The following SORCS1 variants were observed in gnomAD, a reference collection of about 807,000 sequenced individuals.
The protein encoded by SORCS1 is sortilin related VPS10 domain containing receptor 1, also known as VPS10 domain-containing receptor SorCS1.
A neutral mutation model predicts 146.1 loss-of-function variants in SORCS1; 60 were observed. The ratio of observed to expected loss-of-function variants is 0.41; its 90% CI spans 0.33 to 0.51. SORCS1 has a LOEUF of 0.51. Among genes scored for constraint, SORCS1 ranks in the 20% least tolerant of loss-of-function variants. The probability of loss-of-function intolerance (pLI) is 0.21; values close to 1 mark genes in which losing one functional copy is unlikely to be tolerated. For synonymous variants in SORCS1, 637 were observed against 584.0 expected (o/e 1.09, Z -1.31); for missense variants, 1,352 against 1,487.6 (o/e 0.91, Z 1.50).
intron 1 of SORCS1, among the ~76,000 whole-genome samples, chr10:106,970,824 C>T (rs1247423264): frequency 1.3e-5 from 2 of 151,890 alleles, no homozygotes; most frequent in Non-Finnish European, 2.9e-5. Flanking sequence ...CTGCAGCCTC[C>T]AACTCCCAGG....
chr10:107,055,352 A>T (rs1960508975), intron 1 of SORCS1, among the ~76,000 whole-genome samples: 1 of 152,078 alleles, frequency 6.6e-6, no homozygotes, highest in African/African-American at 2.4e-5. Context: ...ATTGATGTAA[A>T]GGAATAGATA....
At chr10:106,810,972 A>C (rs1306992996) in intron 3 of SORCS1, among the ~76,000 whole-genome samples, 1 of 148,820 alleles carries the variant, frequency 6.7e-6, no homozygotes, top group Non-Finnish European at 1.5e-5. Context: ...ATGGAGTCTC[A>C]CTCTGTCGCC....
intron 5 of SORCS1, among the ~76,000 whole-genome samples, chr10:106,749,114 T>G (rs1857958850): frequency 6.6e-6 from 1 of 152,214 alleles, no homozygotes. Flanking sequence ...AGACTGTGAT[T>G]TACTTCTGCC....
chr10:106,945,494 A>G (rs1954291564), intron 2 of SORCS1, among the ~76,000 whole-genome samples: 1 of 152,226 alleles, frequency 6.6e-6, no homozygotes, highest in Non-Finnish European at 1.5e-5. Flanking sequence ...GAGGATGTGG[A>G]AGGTAACTGG....
At chr10:106,720,046 C>T (rs1855673027) in intron 6 of SORCS1, among the ~76,000 whole-genome samples, 1 of 152,184 alleles carries the variant, frequency 6.6e-6, no homozygotes, top group Non-Finnish European at 1.5e-5. Context: ...AGATTTCTTC[C>T]TTGATGGCCC....
At chr10:107,026,603 G>A (rs897799031) in intron 1 of SORCS1, among the ~76,000 whole-genome samples, 1 of 150,720 alleles carries the variant, frequency 6.6e-6, no homozygotes, top group Non-Finnish European at 1.5e-5. Context: ...GGGCCACAGA[G>A]TGAGATGCCA....
At chr10:106,679,018 C>A (rs1852239687) in intron 12 of SORCS1, among the ~76,000 whole-genome samples, 1 of 152,076 alleles carries the variant, frequency 6.6e-6, no homozygotes, top group African/African-American at 2.4e-5. Context: ...CTTATAAACA[C>A]CCTTACATAC....
chr10:106,671,427 CAT>C (rs749411069), intron 15 of SORCS1, 60 bp from the exon 16 acceptor site: 62 of 1,602,364 alleles, frequency 3.9e-5, no homozygotes, highest in African/African-American at 1.2e-4. Flanking sequence ...CTCTGCTCCA[CAT>C]GAGTGACATT....
intron 3 of SORCS1, among the ~76,000 whole-genome samples, chr10:106,792,972 ATTCAT>A (rs1285682728): frequency 4.6e-5 from 7 of 152,218 alleles, no homozygotes; most frequent in Non-Finnish European, 7.3e-5. Context: ...TCATTCAACC[ATTCAT>A]TTCATTTTTT....
chr10:107,118,510 C>G (rs1966189686), intron 1 of SORCS1, among the ~76,000 whole-genome samples: 1 of 152,166 alleles, frequency 6.6e-6, no homozygotes. Flanking sequence ...TTTTCCTCCA[C>G]TGATTTATCT....
At chr10:106,836,641 A>C (rs1162083745) in intron 2 of SORCS1, among the ~76,000 whole-genome samples, 1 of 152,088 alleles carries the variant, frequency 6.6e-6, no homozygotes, top group Non-Finnish European at 1.5e-5. Context: ...AGAAACATTA[A>C]CTAAAACTCT....
intron 1 of SORCS1, among the ~76,000 whole-genome samples, chr10:107,043,920 T>C (rs1332112654): frequency 6.6e-6 from 1 of 152,140 alleles, no homozygotes; most frequent in Non-Finnish European, 1.5e-5. Flanking sequence ...CACGTCTAGG[T>C]TTTTGGTAAT....
At chr10:106,824,340 C>T (rs1235472173) in intron 3 of SORCS1, among the ~76,000 whole-genome samples, 1 of 150,462 alleles carries the variant, frequency 6.6e-6, no homozygotes, top group African/African-American at 2.4e-5. Context: ...ACCTGTAATC[C>T]CAGCACTTTG....
intron 1 of SORCS1, among the ~76,000 whole-genome samples, chr10:107,054,297 G>A (rs1960395011): frequency 6.6e-6 from 1 of 152,186 alleles, no homozygotes; most frequent in Admixed American, 6.6e-5. Flanking sequence ...TGGTGAGGCA[G>A]ACTCTGGAAC....
At chr10:106,579,059 C>T (rs375235010) in intron 25 of SORCS1, 44 of 1,610,326 alleles carry the variant, frequency 2.7e-5, no homozygotes, top group Non-Finnish European at 3.2e-5. Flanking sequence ...CCTACTCAGC[C>T]GAACAGCTGG....
intron 2 of SORCS1, among the ~76,000 whole-genome samples, chr10:106,831,722 T>G (rs1344754676): frequency 6.6e-6 from 1 of 150,450 alleles, no homozygotes; most frequent in Non-Finnish European, 1.5e-5. Context: ...ATTCAAGATA[T>G]TTCTTCCTAA....
At chr10:106,998,859 C>A (rs1234669107) in intron 1 of SORCS1, among the ~76,000 whole-genome samples, 1 of 152,196 alleles carries the variant, frequency 6.6e-6, no homozygotes, top group Admixed American at 6.5e-5. Context: ...GTAAAGCTAA[C>A]AGTCTCTAGA....
chr10:107,146,125 G>GTA (rs1467074268), intron 1 of SORCS1, among the ~76,000 whole-genome samples: 1 of 152,118 alleles, frequency 6.6e-6, no homozygotes, highest in Non-Finnish European at 1.5e-5. Context: ...CCAGTTTCAG[G>GTA]TATAAGTATA....
At chr10:107,083,983 C>T (rs959455358) in intron 1 of SORCS1, among the ~76,000 whole-genome samples, 1 of 152,004 alleles carries the variant, frequency 6.6e-6, no homozygotes. Context: ...CATTTCCTAC[C>T]TAACACAACT....
Sources: gnomAD v4.1 joint callset for allele counts (sites outside exome capture counted in the v4.1 genomes callset) on GRCh38, gnomAD v4.1.1 for gene constraint, MANE v1.5 for transcripts, NCBI Gene and HGNC (gene_info 2026-07-23, HGNC 2026-07-21) for gene names.